The following NOS1AP variants were observed in gnomAD, a reference collection of about 807,000 sequenced individuals.
NOS1AP encodes carboxyl-terminal PDZ ligand of neuronal nitric oxide synthase protein.
NOS1AP carries 21 observed loss-of-function variants against 56.2 expected under a neutral mutation model. The observed-to-expected ratio is 0.37, with a 90% CI of 0.26 to 0.54. The LOEUF is 0.54. Ranked by LOEUF, NOS1AP falls within the 20% of genes least tolerant of loss-of-function variation. The probability of loss-of-function intolerance (pLI) is 0.84; values close to 1 mark genes in which losing one functional copy is unlikely to be tolerated. For missense variants in NOS1AP, 522 were observed against 657.8 expected (o/e 0.79, Z 2.26); for synonymous variants, 270 against 274.6 (o/e 0.98, Z 0.17).
intron 2 of NOS1AP, among the ~76,000 whole-genome samples, chr1:162,161,355 C>A (rs1271261354): frequency 6.6e-6 from 1 of 152,182 alleles, no homozygotes; most frequent in Non-Finnish European, 1.5e-5. Flanking sequence ...GATTCCACCC[C>A]CTACTGAGGT....
chr1:162,293,231 T>G (rs1655332974), intron 3 of NOS1AP, among the ~76,000 whole-genome samples: 1 of 152,184 alleles, frequency 6.6e-6, no homozygotes, highest in Non-Finnish European at 1.5e-5. Flanking sequence ...CTTTGCAATT[T>G]TTTTTTGAGT....
chr1:162,249,546 TCCA>T (rs1653783412), intron 2 of NOS1AP, among the ~76,000 whole-genome samples: 2 of 152,216 alleles, frequency 1.3e-5, no homozygotes, highest in Non-Finnish European at 2.9e-5. Flanking sequence ...CTTGTCATCA[TCCA>T]CACCAAATAA....
intron 1 of NOS1AP, among the ~76,000 whole-genome samples, chr1:162,127,652 G>C (rs991857108): frequency 1.3e-5 from 2 of 152,294 alleles, no homozygotes; most frequent in South Asian, 2.1e-4. Context: ...AACGTGAAGG[G>C]GGAGCAGGCA....
At chr1:162,076,920 T>C (rs765725081) in intron 1 of NOS1AP, among the ~76,000 whole-genome samples, 3 of 152,206 alleles carry the variant, frequency 2.0e-5, no homozygotes, top group Non-Finnish European at 4.4e-5. Flanking sequence ...TATCAGTACT[T>C]AATTCCTTTA....
At chr1:162,308,429 G>T (rs1481799104) in intron 4 of NOS1AP, among the ~76,000 whole-genome samples, 2 of 152,172 alleles carry the variant, frequency 1.3e-5, no homozygotes, top group African/African-American at 4.8e-5. Flanking sequence ...AGCAGAGAGA[G>T]TTAGAGCATC....
intron 2 of NOS1AP, among the ~76,000 whole-genome samples, chr1:162,271,026 G>A (rs1026345542): frequency 7.2e-5 from 11 of 152,206 alleles, no homozygotes; most frequent in African/African-American, 2.4e-4. Context: ...GCGTCAGTTG[G>A]TAGAACATGT....
Position 162,075,642 on chromosome 1 carries a change from G to C in NOS1AP, c.105+5360G>C, listed in dbSNP as rs376368007. On this transcript the variant is annotated intron_variant, in intron 1 of 9. Transcript: ENST00000361897. ...CCAGACTAAGGGTCCTGTCTTCCAGGGTTCTGGAACAGTAGCAATTCAGAT... is the reference window on the plus strand; with the variant it reads ...CCAGACTAAGGGTCCTGTCTTCCAGCGTTCTGGAACAGTAGCAATTCAGAT... Among the ~76,000 whole-genome samples, 15 of 152,204 alleles carry C rather than the reference G, an allele frequency of 9.9e-5. No homozygotes were observed. In the South Asian group the frequency reaches 3.1e-3, roughly 32 times the overall value.
chr1:162,361,906 TGA>T (rs1657916025), intron 8 of NOS1AP, among the ~76,000 whole-genome samples: 2 of 152,224 alleles, frequency 1.3e-5, no homozygotes, highest in South Asian at 4.1e-4. Flanking sequence ...AATGGGGAAC[TGA>T]GAGTTTTCTT....
intron 2 of NOS1AP, among the ~76,000 whole-genome samples, chr1:162,255,490 A>ATCTTTTTTTTTTTTTTTTTT (rs1653997361): frequency 1.6e-5 from 1 of 60,974 alleles, no homozygotes; most frequent in Non-Finnish European, 3.5e-5. Context: ...GCTGCTGCTG[A>ATCTTTTTTTTTTTTTTTTTT]TTTTTTTTTT....
intron 2 of NOS1AP, among the ~76,000 whole-genome samples, chr1:162,164,001 A>G (rs1055480465): frequency 6.6e-6 from 1 of 152,230 alleles, no homozygotes; most frequent in Non-Finnish European, 1.5e-5. Context: ...GAGAAGAGTT[A>G]GTAAGAGCCA....
At chr1:162,302,590 A>G (rs1655701769) in intron 4 of NOS1AP, among the ~76,000 whole-genome samples, 1 of 152,212 alleles carries the variant, frequency 6.6e-6, no homozygotes. Flanking sequence ...TCCTGGTTGA[A>G]AGAAAGGACT....
At chr1:162,186,598 A>C (rs1346091534) in intron 2 of NOS1AP, among the ~76,000 whole-genome samples, 5 of 152,100 alleles carry the variant, frequency 3.3e-5, no homozygotes. Flanking sequence ...TTAGGTCATG[A>C]GGGTGGGGCC....
At chr1:162,177,388 C>A (rs1157201200) in intron 2 of NOS1AP, among the ~76,000 whole-genome samples, 3 of 152,122 alleles carry the variant, frequency 2.0e-5, no homozygotes, top group African/African-American at 7.2e-5. Context: ...AGGAGAGAGG[C>A]CGGCCCACGC....
intron 2 of NOS1AP, among the ~76,000 whole-genome samples, chr1:162,277,009 C>T (rs909565327): frequency 2.6e-5 from 4 of 152,300 alleles, no homozygotes; most frequent in Non-Finnish European, 5.9e-5. Context: ...TTTGGACTTA[C>T]ATACTGTGGT....
intron 2 of NOS1AP, among the ~76,000 whole-genome samples, chr1:162,254,342 G>T (rs1438591079): frequency 6.6e-6 from 1 of 152,198 alleles, no homozygotes; most frequent in African/African-American, 2.4e-5. Flanking sequence ...TTAGGAGGAT[G>T]CTGTTGGATG....
At chr1:162,205,119 C>T (rs947744082) in intron 2 of NOS1AP, among the ~76,000 whole-genome samples, 29 of 152,196 alleles carry the variant, frequency 1.9e-4, no homozygotes, top group African/African-American at 7.0e-4. Context: ...TGATGCCTAG[C>T]TTCTTGATAA....
chr1:162,157,707 A>G lies in NOS1AP; in HGVS notation c.177+3231A>G, dbSNP rs1025942390. Among the ~76,000 whole-genome samples the G allele has an allele frequency of 2.0e-5, 3 of 152,296 alleles. No homozygotes were observed. In the South Asian group the frequency reaches 6.2e-4, roughly 32 times the overall value. On this transcript the variant is annotated intron_variant, in intron 2 of 9. Transcript: ENST00000361897. ...AGAGCACTAAAGGGACAGTTAGTTG[A>G]TGGGCAGTGAAGATCATCTGTTTCC...
chr1:162,074,346 A>C (rs1380258958), intron 1 of NOS1AP, among the ~76,000 whole-genome samples: 2 of 152,146 alleles, frequency 1.3e-5, no homozygotes, highest in South Asian at 4.2e-4. Context: ...GGCTCACTCA[A>C]ACCTGAAGTA....
chr1:162,343,083 C>T (rs1657162598), intron 5 of NOS1AP, among the ~76,000 whole-genome samples: 1 of 152,244 alleles, frequency 6.6e-6, no homozygotes, highest in African/African-American at 2.4e-5. Flanking sequence ...GTGGCTCTTC[C>T]TCACAGCCTG....
Sources: allele counts gnomAD v4.1 joint callset (sites outside exome capture counted in the v4.1 genomes callset), GRCh38; gene constraint gnomAD v4.1.1; transcripts MANE v1.5; gene names NCBI Gene and HGNC (gene_info 2026-07-23, HGNC 2026-07-21).